The following ZFR2 variants were observed in gnomAD, a reference collection of about 807,000 sequenced individuals.
ZFR2 encodes zinc finger RNA binding protein 2, also known as zinc finger RNA-binding protein 2.
In ZFR2, 104 loss-of-function variants were observed where a neutral mutation model predicts 105.7. That is an observed-to-expected ratio of 0.98 (90% CI 0.84 to 1.16). The LOEUF (loss-of-function observed/expected upper bound fraction) is 1.16. Ranked by LOEUF, ZFR2 falls within the 50% of genes most tolerant of loss-of-function variation. The probability of loss-of-function intolerance (pLI) is 0.00; values close to 1 mark genes in which losing one functional copy is unlikely to be tolerated. For missense variants in ZFR2, 1,425 were observed against 1,355.5 expected (o/e 1.05, Z -0.80); for synonymous variants, 634 against 597.7 (o/e 1.06, Z -0.89).
At chr19:3,863,425 C>G (rs1275401793) in intron 1 of ZFR2, among the ~76,000 whole-genome samples, 1 of 152,194 alleles carries the variant, frequency 6.6e-6, no homozygotes, top group Middle Eastern at 3.4e-3. Flanking sequence ...GGGAGGGGCT[C>G]TTGTTTTTTT....
intron 1 of ZFR2, among the ~76,000 whole-genome samples, chr19:3,841,244 A>G (rs2038129908): frequency 6.6e-6 from 1 of 152,242 alleles, no homozygotes; most frequent in African/African-American, 2.4e-5. Context: ...CCTGTTGGGA[A>G]CACGGCCGGC....
intron 1 of ZFR2, among the ~76,000 whole-genome samples, chr19:3,845,177 G>T (rs1169562972): frequency 6.6e-6 from 1 of 152,168 alleles, no homozygotes; most frequent in Non-Finnish European, 1.5e-5. Flanking sequence ...AGTCGGATTG[G>T]ATTAGGGCCC....
chr19:3,857,769 T>TTGC (rs562272768), intron 1 of ZFR2, among the ~76,000 whole-genome samples: 34 of 151,766 alleles, frequency 2.2e-4, no homozygotes, highest in South Asian at 4.2e-4. Context: ...CCCAGGCTAT[T>TTGC]TGCTGCTGCT....
chr19:3,809,938 C>G (rs575070311), intron 16 of ZFR2, among the ~76,000 whole-genome samples: 1 of 152,054 alleles, frequency 6.6e-6, no homozygotes, highest in Admixed American at 6.6e-5. Context: ...GAGCGAGACT[C>G]CATCTCAAAA....
At chr19:3,864,753 CT>C (rs1599260914) in intron 1 of ZFR2, among the ~76,000 whole-genome samples, 2 of 151,544 alleles carry the variant, frequency 1.3e-5, no homozygotes, top group East Asian at 4.0e-4. Flanking sequence ...TTCTTTTTTT[CT>C]CTCTTTTTCT....
intron 1 of ZFR2, among the ~76,000 whole-genome samples, chr19:3,862,281 A>C (rs1409231584): frequency 1.3e-5 from 2 of 152,192 alleles, no homozygotes; most frequent in East Asian, 3.9e-4. Flanking sequence ...CTTCTGCCCC[A>C]GTATGTATGA....
intron 14 of ZFR2, among the ~76,000 whole-genome samples, chr19:3,812,354 A>G (rs749330645): frequency 9.9e-5 from 15 of 152,166 alleles, no homozygotes; most frequent in Non-Finnish European, 1.8e-4. Flanking sequence ...TGCTGGGATT[A>G]GAGAGGTGGG....
rs1343221076 is a variant in ZFR2 at position 3,838,203 on chromosome 19, G to A, written c.54-3220C>T. 8.6e-5 allele frequency among the ~76,000 whole-genome samples: 13 copies of A among 151,800 alleles called. No homozygotes were observed. The highest frequency in any genetic ancestry group is 2.4e-4 in the African/African-American group (10 of 41,300). On this transcript the variant is annotated intron_variant, in intron 1 of 18. Coordinates refer to ENST00000262961, the MANE Select transcript of ZFR2 (RefSeq NM_015174.2). This position sits in a 1 kb window ranked among gnomAD's most constrained non-coding sequence, Gnocchi z 4.9. ...GACCGTGACACCCGATGAACATCCC[G>A]ACAATACATTCGATGAACACCGTGA...
intron 14 of ZFR2, among the ~76,000 whole-genome samples, chr19:3,812,472 C>G (rs1165276128): frequency 6.6e-6 from 1 of 152,080 alleles, no homozygotes; most frequent in Non-Finnish European, 1.5e-5. Flanking sequence ...AGTGCACTTT[C>G]CTGGGGGGCG....
chr19:3,833,649 C>G lies in ZFR2; in HGVS notation c.379+15G>C, dbSNP rs1185977686. On this transcript the variant is annotated intron_variant, in intron 3 of 18. Transcript: ENST00000262961. Reference sequence around the variant, plus strand: ...CGTCTCCTCGTTCCCAGCCCCGACCCTGCAGATGGCTCACCTGGCTGGCCG... The same window carrying G: ...CGTCTCCTCGTTCCCAGCCCCGACCGTGCAGATGGCTCACCTGGCTGGCCG... 6.5e-7 allele frequency: 1 copy of G among 1,545,614 alleles called. No homozygotes were observed.
chr19:3,843,157 G>A (rs1406825883), intron 1 of ZFR2, among the ~76,000 whole-genome samples: 1 of 152,102 alleles, frequency 6.6e-6, no homozygotes, highest in African/African-American at 2.4e-5. Context: ...TAAAAGGTAG[G>A]AGCAACCCAA....
Position 3,827,542 on chromosome 19 carries a change from C to G in ZFR2, c.964G>C (p.Asp322His), listed in dbSNP as rs1432238105. The change falls in exon 6 of 19, where the codon GAC becomes CAC. Residue 322 changes from aspartate (D) to histidine (H), a missense_variant. Physicochemically the swap from Asp to His is moderately conservative, Grantham distance 81 (BLOSUM62 -1). Coordinates refer to ENST00000262961, the MANE Select transcript of ZFR2 (RefSeq NM_015174.2). ...CCGGTGCAGGACACGGCGCACAGGT[C>G]GCAATGCAGCTGCGCCTGCACCCCG... ...PRGVQAQLHC[D>H]LCAVSCTGAD... 6.4e-7 allele frequency: 1 copy of G among 1,561,540 alleles called. No individual in the cohort carries two copies. Among genetic ancestry groups the G allele is most frequent in the Non-Finnish European group, 8.7e-7 (1 of 1,153,520 alleles).
intron 1 of ZFR2, among the ~76,000 whole-genome samples, chr19:3,855,217 G>T (rs889085467): frequency 2.0e-5 from 3 of 151,948 alleles, no homozygotes; most frequent in Admixed American, 6.6e-5. Flanking sequence ...TTTTTAATGT[G>T]AATTTTTTAC....
In ZFR2 at chr19:3,834,896, C is replaced by T. The variant is rs201810269; in HGVS notation, c.141G>A (p.Pro47=). 2.9e-4 allele frequency: 474 copies of T among 1,611,680 alleles called. 1 individual carries two copies. The African/African-American group carries it at 5.2e-3, about 18-fold the overall frequency. The change falls in exon 2 of 19, where the codon CCG becomes CCA. Residue 47 remains proline, a synonymous_variant. Coordinates refer to ENST00000262961, the MANE Select transcript of ZFR2 (RefSeq NM_015174.2). This position sits in a 1 kb window ranked among gnomAD's most constrained non-coding sequence, Gnocchi z 5.3. ...PTPGMDPAVN[P]AFPPAAPAGY... is the part of the protein sequence containing the mutation. Reference sequence around the variant, plus strand: ...CTGCCGGGGCAGCTGGGGGAAAGGCCGGGTTCACGGCAGGGTCCATCCCAG... The same window carrying T: ...CTGCCGGGGCAGCTGGGGGAAAGGCTGGGTTCACGGCAGGGTCCATCCCAG...
intron 17 of ZFR2, 42 bp from the exon 18 acceptor site, chr19:3,807,311 C>G: frequency 6.9e-7 from 1 of 1,456,872 alleles, no homozygotes; most frequent in Non-Finnish European, 9.4e-7. Context: ...GGCGAGAATG[C>G]CCTCGTGAAA....
At chr19:3,864,937 T>A (rs1460036339) in intron 1 of ZFR2, among the ~76,000 whole-genome samples, 1 of 151,960 alleles carries the variant, frequency 6.6e-6, no homozygotes, top group Non-Finnish European at 1.5e-5. Context: ...TTAGTAGAGA[T>A]TGGGTTTCAC....
chr19:3,806,647 C>T (rs2037700101), intron 18 of ZFR2, among the ~76,000 whole-genome samples: 1 of 151,964 alleles, frequency 6.6e-6, no homozygotes, highest in Non-Finnish European at 1.5e-5. Flanking sequence ...AGGACTGTCC[C>T]AGGAGGCCCC....
In ZFR2 at chr19:3,831,357, C is replaced by T; in HGVS notation, c.798G>A (p.Arg266=). ...TGTCGCAGTAGTGAAGCTGGAGCTG[C>T]CTGGGCCCCGCCTTGGGTCTCGGCA... ...SKLPRPKAGP[R]QLQLHYCDIC... Residue 266 remains arginine, a synonymous_variant, in exon 5 of 19, where the codon AGG becomes AGA. Transcript: ENST00000262961. 1.3e-6 allele frequency: 2 copies of T among 1,557,384 alleles called. No homozygotes were observed. Among genetic ancestry groups the T allele is most frequent in the East Asian group, 4.8e-5 (2 of 41,732 alleles).
chr19:3,821,418 A>C lies in ZFR2; in HGVS notation c.1553T>G (p.Leu518Arg), dbSNP rs541736279. Residue 518 changes from leucine (L) to arginine (R), a missense_variant, in exon 10 of 19, where the codon CTG becomes CGG. Coordinates refer to ENST00000262961, the MANE Select transcript of ZFR2 (RefSeq NM_015174.2). Reference protein sequence around the residue: ...TEPSSRARKVLEERMRKQRHL... With the variant: ...TEPSSRARKVREERMRKQRHL... Reference sequence around the variant, plus strand: ...CCGCTGCTTCCTCATGCGCTCCTCCAGGACCTTCCGAGCCCGGCTGCTGGG... The same window carrying C: ...CCGCTGCTTCCTCATGCGCTCCTCCCGGACCTTCCGAGCCCGGCTGCTGGG... 8 of 1,611,214 alleles carry C rather than the reference A, an allele frequency of 5.0e-6. No homozygotes were observed. The Admixed American group carries it at 1.3e-4, about 27-fold the overall frequency.
Sources: allele counts gnomAD v4.1 joint callset (sites outside exome capture counted in the v4.1 genomes callset), GRCh38; gene constraint gnomAD v4.1.1; non-coding constraint Gnocchi (gnomAD v3.1); transcripts MANE v1.5; gene names NCBI Gene and HGNC (gene_info 2026-07-23, HGNC 2026-07-21).